The following CDC42EP1 variants were observed in gnomAD, a reference collection of about 807,000 sequenced individuals.
The protein encoded by CDC42EP1 is CDC42 effector protein 1.
Under a neutral mutation model 7.4 loss-of-function variants are expected in CDC42EP1, and 6 were observed. The observed-to-expected ratio is 0.81, with a 90% CI of 0.44 to 1.60. The LOEUF is 1.60. Ranked by LOEUF, CDC42EP1 falls within the 40% of genes most tolerant of loss-of-function variation. The probability of loss-of-function intolerance (pLI) is 0.01; values close to 1 mark genes in which losing one functional copy is unlikely to be tolerated. For synonymous variants in CDC42EP1, 238 were observed against 227.1 expected (o/e 1.05, Z -0.43); for missense variants, 567 against 539.0 (o/e 1.05, Z -0.51).
At chr22:37,561,208 TC>T (rs1925029031) in intron 1 of CDC42EP1, among the ~76,000 whole-genome samples, 1 of 152,180 alleles carries the variant, frequency 6.6e-6, no homozygotes, top group African/African-American at 2.4e-5. Flanking sequence ...GGACTTCCAA[TC>T]CCGGCCGCCC....
At position 37,561,038 on chromosome 22, in the gene CDC42EP1, C is replaced by G. The variant is rs1189924394; in HGVS notation, c.-279+450C>G. Among the ~76,000 whole-genome samples, 3 of 152,100 alleles carry G rather than the reference C, an allele frequency of 2.0e-5. No individual in the cohort carries two copies. The East Asian group carries it at 5.8e-4, about 29-fold the overall frequency. ...GGAGATGGACAGGCACCCTGCCCCC[C>G]TCCCCGACCGCCGCATTCCAGGCTG... On this transcript the variant is annotated intron_variant, in intron 1 of 2. Transcript: ENST00000249014.
intron 1 of CDC42EP1, among the ~76,000 whole-genome samples, chr22:37,565,254 C>A (rs1234262174): frequency 7.6e-6 from 1 of 132,112 alleles, no homozygotes; most frequent in Non-Finnish European, 1.5e-5. Flanking sequence ...GTGACACAAT[C>A]ATGGCTCATT....
chr22:37,566,054 A>C lies in CDC42EP1; in HGVS notation c.-278-18A>C. ...TGTCGCGGGCCTGCCGTCACCGCCCATTCTGTCTTCCTTCCAGGTCTCCAC... is the reference window on the plus strand; with the variant it reads ...TGTCGCGGGCCTGCCGTCACCGCCCCTTCTGTCTTCCTTCCAGGTCTCCAC... On this transcript the variant is annotated intron_variant, in intron 1 of 2. Transcript: ENST00000249014. This position sits in a 1 kb window ranked among gnomAD's most constrained non-coding sequence, Gnocchi z 6.4. 3.1e-6 allele frequency: 1 copy of C among 319,900 alleles called. No homozygotes were observed. Among genetic ancestry groups the C allele is most frequent in the Non-Finnish European group, 5.7e-6 (1 of 175,708 alleles). The allele number at this position is 319,900 out of a possible 1,614,324, so 19.8% of individuals were successfully genotyped here.
intron 1 of CDC42EP1, among the ~76,000 whole-genome samples, chr22:37,562,211 T>C (rs545912937): frequency 1.3e-5 from 2 of 152,340 alleles, no homozygotes; most frequent in East Asian, 1.9e-4. Context: ...ACCAGCAATG[T>C]TGGTCTGTGA....
intron 1 of CDC42EP1, among the ~76,000 whole-genome samples, chr22:37,563,305 C>G (rs1043944521): frequency 6.6e-6 from 1 of 152,230 alleles, no homozygotes; most frequent in Non-Finnish European, 1.5e-5. Context: ...TTGGACAGGT[C>G]TCCCTTCCCT....
chr22:37,568,231 T>A lies in CDC42EP1; in HGVS notation c.587T>A (p.Phe196Tyr). Residue 196 changes from phenylalanine to tyrosine, a missense_variant, in exon 3 of 3, where the codon TTC becomes TAC. Coordinates refer to ENST00000249014, the MANE Select transcript of CDC42EP1 (RefSeq NM_152243.3). The part of the protein sequence containing the change: ...GLRRSDSLLS[F>Y]RLDLDLGPSL... ...CGCCGCTCTGACTCTCTCTTGTCCT[T>A]CCGCCTGGACCTCGACCTTGGGCCC... 6.2e-7 allele frequency: 1 copy of A among 1,613,794 alleles called. No individual in the cohort carries two copies. The highest frequency in any genetic ancestry group is 8.5e-7 in the Non-Finnish European group (1 of 1,179,966).
rs1925350777 is a variant in CDC42EP1 at position 37,568,493 on chromosome 22, T to A, written c.849T>A (p.His283Gln). 6.2e-7 allele frequency: 1 copy of A among 1,608,068 alleles called. No homozygotes were observed. The highest frequency in any genetic ancestry group is 1.3e-5 in the African/African-American group (1 of 74,774). ...CCCCTGCCGCAAGCTCCACACCCCATGGACACTGTCCCAATGGGGTAACAG... is the reference window on the plus strand; with the variant it reads ...CCCCTGCCGCAAGCTCCACACCCCAAGGACACTGTCCCAATGGGGTAACAG... ...PPAPAASSTP[H>Q]GHCPNGVTAG... The change falls in exon 3 of 3, where the codon CAT becomes CAA. Residue 283 changes from histidine to glutamine, a missense_variant. His to Gln is a conservative substitution (Grantham distance 24). Transcript: ENST00000249014.
rs1056389707 is a variant in CDC42EP1 at position 37,566,102 on chromosome 22, C to A, written c.-248C>A. The A allele has an allele frequency of 5.1e-5, 20 of 390,662 alleles. No homozygotes were observed. The highest frequency in any genetic ancestry group is 8.2e-5 in the Non-Finnish European group (18 of 220,176). The allele number at this position is 390,662 out of a possible 1,614,324, so 24.2% of individuals were successfully genotyped here. On this transcript the variant is annotated 5_prime_UTR_variant, in exon 2 of 3. Transcript: ENST00000249014. The surrounding 1 kb of genome is among the most constrained non-coding windows in gnomAD (Gnocchi z 6.4). Reference sequence around the variant, plus strand: ...CACCTCTGGGCAGGAGAGTTGCCGACCACCTCGGGGGTGCTTTCTCTGCGC... The same window carrying A: ...CACCTCTGGGCAGGAGAGTTGCCGAACACCTCGGGGGTGCTTTCTCTGCGC...
At position 37,568,344 on chromosome 22, in the gene CDC42EP1, C is replaced by T. The variant is rs868388731; in HGVS notation, c.700C>T (p.Pro234Ser). 1 of 1,604,272 alleles carries T rather than the reference C, an allele frequency of 6.2e-7. No homozygotes were observed. The highest frequency in any genetic ancestry group is 1.1e-5 in the South Asian group (1 of 90,812). ...TPAPAANPPA[P>S]TANPTGPAAN... ...AGCCCCCGCTGCAAACCCCCCAGCC[C>T]CTACTGCAAACCCCACGGGTCCTGC... Residue 234 changes from proline (P) to serine (S), a missense_variant, in exon 3 of 3, where the codon CCT becomes TCT. Physicochemically the swap from Pro to Ser is moderately conservative, Grantham distance 74 (BLOSUM62 -1). Transcript: ENST00000249014.
rs143174040 is a variant in CDC42EP1, at chr22:37,568,069, G to T, written c.464-39G>T. The T allele has an allele frequency of 8.3e-5, 128 of 1,545,258 alleles. 1 individual carries two copies. The East Asian group carries it at 2.6e-3, about 32-fold the overall frequency. On this transcript the variant is annotated intron_variant, in intron 2 of 2. Coordinates refer to ENST00000249014, the MANE Select transcript of CDC42EP1 (RefSeq NM_152243.3). ...TCTCCCCTCCTGAATTCCTGGTGAG[G>T]GACCCCAGCTCTGAGCCCACTGCCC...
Position 37,568,220 on chromosome 22 carries a change from T to C in CDC42EP1, c.576T>C (p.Ser192=), listed in dbSNP as rs199535461. 6.2e-6 allele frequency: 10 copies of C among 1,613,672 alleles called. No homozygotes were observed. In the African/African-American group the frequency reaches 1.3e-4, roughly 22 times the overall value. ...PSEPGLRRSD[S]LLSFRLDLDL... The stretch of plus-strand genomic sequence containing the variant: ...AGCCCGGGCTTCGCCGCTCTGACTC[T>C]CTCTTGTCCTTCCGCCTGGACCTCG... Residue 192 remains serine (S), a synonymous_variant, in exon 3 of 3, where the codon TCT becomes TCC. Transcript: ENST00000249014.
In CDC42EP1 at chr22:37,568,148, C is replaced by T. The variant is rs959628757; in HGVS notation, c.504C>T (p.Arg168=). 3.7e-6 allele frequency: 6 copies of T among 1,613,876 alleles called. No homozygotes were observed. In the Admixed American group the frequency reaches 5.0e-5, roughly 13 times the overall value. Residue 168 remains arginine, a synonymous_variant, in exon 3 of 3, where the codon CGC becomes CGT. Transcript: ENST00000249014. ...TCTGCACCATCTCCCGCCTGCCCCG[C>T]TCGGAAAAGCCGCATGACCGAGACC... ...SGFCTISRLP[R]SEKPHDRDRD... is the part of the protein sequence containing the mutation.
At position 37,568,382 on chromosome 22, in the gene CDC42EP1, A is replaced by G. The variant is rs200344981; in HGVS notation, c.738A>G (p.Pro246=). ...ANPTGPAANP[P]ATTANPPAPA... ...CCACGGGTCCTGCTGCAAACCCCCC[A>G]GCCACTACTGCAAACCCCCCAGCGC... The change falls in exon 3 of 3, where the codon CCA becomes CCG. Residue 246 remains proline, a synonymous_variant. Transcript: ENST00000249014. The G allele has an allele frequency of 3.1e-6, 4 of 1,296,596 alleles. No individual in the cohort carries two copies. The highest frequency in any genetic ancestry group is 4.2e-6 in the Non-Finnish European group (4 of 951,424). 80.3% of individuals were successfully genotyped at this position (1,296,596 alleles called of 1,614,324 possible).
intron 1 of CDC42EP1, among the ~76,000 whole-genome samples, chr22:37,561,241 C>T (rs1925029862): frequency 6.6e-6 from 1 of 152,352 alleles, no homozygotes; most frequent in African/African-American, 2.4e-5. Flanking sequence ...CTGCCTTTGC[C>T]CCAGCAGTGC....
intron 1 of CDC42EP1, among the ~76,000 whole-genome samples, chr22:37,562,770 A>T (rs111890284): frequency 1.5e-3 from 117 of 80,438 alleles, no homozygotes; most frequent in Non-Finnish European, 2.7e-3. Flanking sequence ...ATGGGGGTTC[A>T]GGGGGGAGGA....
intron 1 of CDC42EP1, among the ~76,000 whole-genome samples, chr22:37,562,967 A>T (rs1160174346): frequency 1.3e-5 from 2 of 151,888 alleles, no homozygotes; most frequent in African/African-American, 4.8e-5. Context: ...AACTTAGCTG[A>T]GCATGGTGGT....
In CDC42EP1 at chr22:37,568,302, C is replaced by T; in HGVS notation, c.658C>T (p.Pro220Ser). Residue 220 changes from proline to serine, a missense_variant, in exon 3 of 3, where the codon CCT becomes TCT. Coordinates refer to ENST00000249014, the MANE Select transcript of CDC42EP1 (RefSeq NM_152243.3). ...AGGGGTCATGAGCCTCCCAGAAGCC[C>T]CTGCAGCTGAGACTCCAGCCCCCGC... Reference protein sequence around the residue: ...LLGVMSLPEAPAAETPAPAAN... With the variant: ...LLGVMSLPEASAAETPAPAAN... 1.2e-6 allele frequency: 2 copies of T among 1,613,066 alleles called. No individual in the cohort carries two copies. The highest frequency in any genetic ancestry group is 1.7e-6 in the Non-Finnish European group (2 of 1,179,884).
rs1243198192 is a variant in CDC42EP1, at chr22:37,566,724, C to T, written c.375C>T (p.Leu125=). 6.2e-7 allele frequency: 1 copy of T among 1,612,614 alleles called. No homozygotes were observed. The highest frequency in any genetic ancestry group is 8.5e-7 in the Non-Finnish European group (1 of 1,179,230). ...IIKNAISLPQ[L]NQAAYDSLVV... ...AGAACGCCATCTCCCTGCCCCAGCT[C>T]AACCAGGCCGCCTACGACAGCCTCG... The change falls in exon 2 of 3, where the codon CTC becomes CTT. Residue 125 remains leucine (L), a synonymous_variant. Transcript: ENST00000249014. This position sits in a 1 kb window ranked among gnomAD's most constrained non-coding sequence, Gnocchi z 6.4.
Position 37,566,581 on chromosome 22 carries a change from C to A in CDC42EP1, c.232C>A (p.Pro78Thr). Residue 78 changes from proline (P) to threonine (T), a missense_variant, in exon 2 of 3, where the codon CCC (proline) becomes ACC (threonine). Physicochemically the swap from Pro to Thr is conservative, Grantham distance 38 (BLOSUM62 -1). Coordinates refer to ENST00000249014, the MANE Select transcript of CDC42EP1 (RefSeq NM_152243.3). The surrounding 1 kb of genome is among the most constrained non-coding windows in gnomAD (Gnocchi z 6.4). ...GGSSGSTHRSPRSFLAKKLQL... is the reference protein window; with the variant it reads ...GGSSGSTHRSTRSFLAKKLQL... ...CAGCTCCGGGAGCACCCATCGCTCACCCCGCAGCTTCCTGGCCAAGAAGCT... is the reference window on the plus strand; with the variant it reads ...CAGCTCCGGGAGCACCCATCGCTCAACCCGCAGCTTCCTGGCCAAGAAGCT... 6.2e-7 allele frequency: 1 copy of A among 1,603,724 alleles called. No individual in the cohort carries two copies.
Sources: gnomAD v4.1 joint callset for allele counts (sites outside exome capture counted in the v4.1 genomes callset) on GRCh38, gnomAD v4.1.1 for gene constraint, Gnocchi (gnomAD v3.1) non-coding constraint, MANE v1.5 for transcripts, NCBI Gene and HGNC (gene_info 2026-07-23, HGNC 2026-07-21) for gene names.